Variants in ADAMTSL3 observed in about 807,000 individuals in gnomAD.
ADAMTSL3 encodes ADAMTS like 3, also known as ADAMTS-like protein 3.
Under a neutral mutation model 201.7 loss-of-function variants are expected in ADAMTSL3, and 128 were observed. The observed-to-expected ratio is 0.63, with a 90% confidence interval of 0.55 to 0.73. The LOEUF (loss-of-function observed/expected upper bound fraction) is 0.73, where lower values mean the gene tolerates loss of function less well. ADAMTSL3 is among the 30% of genes least tolerant of loss of function. ADAMTSL3 has a pLI of 0.00. For synonymous variants in ADAMTSL3, 738 were observed against 748.4 expected, an observed-to-expected ratio of 0.99 and a Z score of 0.23; for missense variants, 1,990 against 2,119.6, an observed-to-expected ratio of 0.94 and a Z score of 1.20.
chr15:83,739,956 T>C, intron 3 of ADAMTSL3: 3 of 523,526 alleles, frequency 5.7e-6, no homozygotes, highest in Non-Finnish European at 1.2e-5. Context: ...AGATGGGTAC[T>C]GGCAAGCATG....
At chr15:83,811,770 T>C (rs1268549866) in intron 5 of ADAMTSL3, among the ~76,000 whole-genome samples, 1 of 152,208 alleles carries the variant, frequency 6.6e-6, no homozygotes, top group Non-Finnish European at 1.5e-5. Flanking sequence ...TAGAGAGTCC[T>C]AAGAGAGGTT....
At chr15:83,883,874 CTAACACAT>C (rs2065331318) in intron 9 of ADAMTSL3, among the ~76,000 whole-genome samples, 1 of 151,110 alleles carries the variant, frequency 6.6e-6, no homozygotes, top group African/African-American at 2.4e-5. Flanking sequence ...CCTGGTTTTT[CTAACACAT>C]TAATTTTTTC....
At chr15:83,992,812 G>A (rs748636391) in intron 23 of ADAMTSL3, among the ~76,000 whole-genome samples, 1 of 152,166 alleles carries the variant, frequency 6.6e-6, no homozygotes, top group Non-Finnish European at 1.5e-5. Context: ...TCAGACATGG[G>A]CTATCTCTGA....
At chr15:83,985,470 A>G (rs1021136523) in intron 21 of ADAMTSL3, among the ~76,000 whole-genome samples, 2 of 152,188 alleles carry the variant, frequency 1.3e-5, no homozygotes, top group African/African-American at 4.8e-5. Context: ...TCTTTCAAGT[A>G]AAAATCATAT....
chr15:83,736,761 C>T (rs2062374958), intron 3 of ADAMTSL3, among the ~76,000 whole-genome samples: 1 of 152,174 alleles, frequency 6.6e-6, no homozygotes, highest in South Asian at 2.1e-4. Flanking sequence ...TCCAGGTAGC[C>T]AGAGACCTCT....
chr15:83,865,793 C>G (rs192766300), intron 8 of ADAMTSL3, among the ~76,000 whole-genome samples: 3 of 152,280 alleles, frequency 2.0e-5, no homozygotes, highest in Admixed American at 2.0e-4. Flanking sequence ...AGCTTCTGCA[C>G]AGCAAAAGCA....
chr15:83,885,736 CTT>C (rs879547989), intron 10 of ADAMTSL3, among the ~76,000 whole-genome samples: 1 of 144,752 alleles, frequency 6.9e-6, no homozygotes. Context: ...AGTTCAAGGT[CTT>C]TTTTTTTTTT....
intron 19 of ADAMTSL3, among the ~76,000 whole-genome samples, chr15:83,957,629 T>C (rs1596466294): frequency 6.6e-6 from 1 of 152,284 alleles, no homozygotes; most frequent in African/African-American, 2.4e-5. Flanking sequence ...ATTTTTGTCC[T>C]GGGAAGCTAA....
At chr15:83,852,073 T>C (rs901360978) in intron 7 of ADAMTSL3, among the ~76,000 whole-genome samples, 1 of 152,162 alleles carries the variant, frequency 6.6e-6, no homozygotes, top group Non-Finnish European at 1.5e-5. Context: ...TTTCTTTTTA[T>C]TCACTGAGGT....
At chr15:83,733,951 T>C (rs561052958) in intron 3 of ADAMTSL3, among the ~76,000 whole-genome samples, 3 of 152,022 alleles carry the variant, frequency 2.0e-5, no homozygotes, top group Non-Finnish European at 4.4e-5. Context: ...TGGAGTGGCG[T>C]ATAAGGAATA....
chr15:83,944,766 T>C (rs1314486192), intron 19 of ADAMTSL3, among the ~76,000 whole-genome samples: 1 of 152,164 alleles, frequency 6.6e-6, no homozygotes, highest in Non-Finnish European at 1.5e-5. Flanking sequence ...AAAGCCTAAA[T>C]CTGGGTGGCC....
intron 7 of ADAMTSL3, among the ~76,000 whole-genome samples, chr15:83,847,233 A>T (rs1677318888): frequency 6.6e-6 from 1 of 152,140 alleles, no homozygotes. Context: ...TTTGTAAAAA[A>T]TTTGCTGTTA....
intron 4 of ADAMTSL3, among the ~76,000 whole-genome samples, chr15:83,794,374 T>A (rs530941791): frequency 6.6e-6 from 1 of 152,352 alleles, no homozygotes; most frequent in South Asian, 2.1e-4. Flanking sequence ...ATGCCAGTTT[T>A]ACTCACAGTG....
intron 2 of ADAMTSL3, among the ~76,000 whole-genome samples, chr15:83,682,311 A>C (rs1440897856): frequency 6.7e-6 from 1 of 149,798 alleles, no homozygotes; most frequent in Non-Finnish European, 1.5e-5. Flanking sequence ...AACTAATAGC[A>C]GATCTACACC....
intron 3 of ADAMTSL3, among the ~76,000 whole-genome samples, chr15:83,772,535 T>A (rs1331763374): frequency 6.6e-6 from 1 of 152,146 alleles, no homozygotes; most frequent in Admixed American, 6.6e-5. Context: ...TCTTCCCTAT[T>A]TTCTTGGATT....
intron 27 of ADAMTSL3, among the ~76,000 whole-genome samples, chr15:84,030,525 T>C (rs2068387764): frequency 6.6e-6 from 1 of 152,206 alleles, no homozygotes; most frequent in South Asian, 2.1e-4. Context: ...ATCCACTGCC[T>C]GTACCTCCAC....
intron 5 of ADAMTSL3, among the ~76,000 whole-genome samples, chr15:83,819,154 C>T (rs1235329333): frequency 1.3e-5 from 2 of 151,148 alleles, no homozygotes; most frequent in Non-Finnish European, 2.9e-5. Flanking sequence ...CCTGTAGTCC[C>T]AGCTACTCAG....
intron 2 of ADAMTSL3, among the ~76,000 whole-genome samples, chr15:83,682,698 A>G (rs1274478724): frequency 6.6e-6 from 1 of 152,228 alleles, no homozygotes; most frequent in East Asian, 1.9e-4. Flanking sequence ...CGTAGTCTAA[A>G]TAATACTAAT....
chr15:83,954,252 A>T (rs1217708339), intron 19 of ADAMTSL3, among the ~76,000 whole-genome samples: 1 of 151,948 alleles, frequency 6.6e-6, no homozygotes, highest in Non-Finnish European at 1.5e-5. Flanking sequence ...CTCTAACTGT[A>T]TTTTAAAATA....
Sources: allele counts gnomAD v4.1 joint callset (sites outside exome capture counted in the v4.1 genomes callset), GRCh38; gene constraint gnomAD v4.1.1; transcripts MANE v1.5; gene names NCBI Gene and HGNC (gene_info 2026-07-23, HGNC 2026-07-21).